AKAP8: variants seen among roughly 807,000 people sequenced by gnomAD.
The protein encoded by AKAP8 is A-kinase anchor protein 8.
AKAP8 carries 24 observed loss-of-function variants against 67.5 expected under a neutral mutation model. The observed-to-expected ratio is 0.36, with a 90% CI of 0.26 to 0.50. AKAP8 has a LOEUF of 0.50. AKAP8 is among the 20% of genes least tolerant of loss of function. AKAP8 has a pLI of 0.97. For missense variants in AKAP8, 971 were observed against 955.9 expected, an observed-to-expected ratio of 1.02 and a Z score of -0.21; for synonymous variants, 400 against 371.1, an observed-to-expected ratio of 1.08 and a Z score of -0.90.
intron 12 of AKAP8, 24 bp downstream of exon 12, chr19:15,360,823 AG>A (rs748336304): frequency 7.2e-5 from 115 of 1,607,098 alleles, no homozygotes; most frequent in Non-Finnish European, 8.8e-5. Context: ...TGAGCACCCC[AG>A]GCAGTGTGGG....
At chr19:15,363,138 GAAGT>G (rs1332907717) in intron 9 of AKAP8, among the ~76,000 whole-genome samples, 14 of 151,296 alleles carry the variant, frequency 9.3e-5, no homozygotes, top group Non-Finnish European at 1.6e-4. Flanking sequence ...CCCCGTCTGA[GAAGT>G]AAGGAGCCCC....
chr19:15,360,002 G>T (rs1221802316), intron 12 of AKAP8, among the ~76,000 whole-genome samples: 2 of 152,118 alleles, frequency 1.3e-5, no homozygotes, highest in East Asian at 3.9e-4. Flanking sequence ...GGGCATTGTG[G>T]TGGGCGCCTG....
intron 9 of AKAP8, among the ~76,000 whole-genome samples, chr19:15,365,041 C>T (rs1291301178): frequency 2.6e-5 from 4 of 152,170 alleles, no homozygotes; most frequent in African/African-American, 4.8e-5. Context: ...GAAAATGACT[C>T]GCATAGTAAT....
chr19:15,356,026 G>A (rs923466113), intron 13 of AKAP8, among the ~76,000 whole-genome samples: 16 of 151,648 alleles, frequency 1.1e-4, no homozygotes, highest in Non-Finnish European at 2.1e-4. Flanking sequence ...ACGAGCCACC[G>A]TGCCTGGCCT....
chr19:15,378,193 C>T (rs1219903062), intron 1 of AKAP8, among the ~76,000 whole-genome samples: 1 of 152,170 alleles, frequency 6.6e-6, no homozygotes, highest in Non-Finnish European at 1.5e-5. Flanking sequence ...CTGAGTTTTG[C>T]CCTCTGCTAT....
chr19:15,379,417 C>A, intron 1 of AKAP8: 1 of 386,076 alleles, frequency 2.6e-6, no homozygotes, highest in Non-Finnish European at 4.6e-6. Context: ...AGGTGAGGGG[C>A]AAAAACGGCC....
rs183978183 is a variant in AKAP8, at chr19:15,374,540, G to A, written c.91+63C>T. 1,097 of 1,581,824 alleles carry A rather than the reference G, an allele frequency of 6.9e-4. 11 individuals carry two copies. In the African/African-American group the frequency reaches 0.013, roughly 19 times the overall value. On this transcript the variant is annotated intron_variant, in intron 3 of 13. Transcript: ENST00000269701. Reference sequence around the variant, plus strand: ...CCAGACCTCCCTGACGGGCTGACCCGCCTGGCCTTCAGATCAGAGGCCCAC... The same window carrying A: ...CCAGACCTCCCTGACGGGCTGACCCACCTGGCCTTCAGATCAGAGGCCCAC...
At chr19:15,368,992 G>A (rs1160217103) in intron 8 of AKAP8, 11 of 985,948 alleles carry the variant, frequency 1.1e-5, no homozygotes, top group East Asian at 2.3e-4. Context: ...AGAGCCACGC[G>A]GCCATCATCC....
chr19:15,355,052 C>G lies in AKAP8; in HGVS notation c.1942G>C (p.Glu648Gln). ...GVPKARSEAA[E>Q]AGNGAETMAA... is the part of the protein sequence containing the mutation. ...ATTGTCTCGGCGCCATTTCCAGCCT[C>G]TGCAGCCTCACTTCTGGCCTTGGGG... Residue 648 changes from glutamate (E) to glutamine (Q), a missense_variant, in exon 14 of 14, where the codon GAG becomes CAG. By Grantham distance (29) the Glu-to-Gln change is conservative. Coordinates refer to ENST00000269701, the MANE Select transcript of AKAP8 (RefSeq NM_005858.4). 6.2e-7 allele frequency: 1 copy of G among 1,614,152 alleles called. No individual in the cohort carries two copies. Among genetic ancestry groups the G allele is most frequent in the Non-Finnish European group, 8.5e-7 (1 of 1,180,050 alleles).
chr19:15,375,798 G>A (rs1470520023), intron 2 of AKAP8, among the ~76,000 whole-genome samples: 3 of 151,860 alleles, frequency 2.0e-5, no homozygotes, highest in Non-Finnish European at 4.4e-5. Context: ...CACCGCGCCC[G>A]GCTAATTTTT....
intron 12 of AKAP8, 117 bp downstream of exon 12, chr19:15,360,731 T>TA: frequency 7.8e-7 from 1 of 1,290,108 alleles, no homozygotes; most frequent in Non-Finnish European, 1.0e-6. Flanking sequence ...ATGGAAGTGA[T>TA]AGACTTGAAA....
At chr19:15,365,731 C>G (rs1296330440) in intron 9 of AKAP8, among the ~76,000 whole-genome samples, 1 of 152,126 alleles carries the variant, frequency 6.6e-6, no homozygotes, top group African/African-American at 2.4e-5. Flanking sequence ...CCTTCGAGAT[C>G]CTCAGTCATG....
chr19:15,354,788 G>A lies in AKAP8; in HGVS notation c.*127C>T. ...GGCACTGCTCAGGAGGAAACGCTGG[G>A]TCTCTTCACCAAAATTAGATTACAG... On this transcript the variant is annotated 3_prime_UTR_variant, in exon 14 of 14. Transcript: ENST00000269701. 1 of 1,130,716 alleles carries A rather than the reference G, an allele frequency of 8.8e-7. No homozygotes were observed. The highest frequency in any genetic ancestry group is 2.4e-5 in the East Asian group (1 of 40,888). The allele number at this position is 1,130,716 out of a possible 1,614,324, so 70.0% of individuals were successfully genotyped here.
At chr19:15,367,616 A>C in intron 9 of AKAP8, among the ~76,000 whole-genome samples, 1 of 152,234 alleles carries the variant, frequency 6.6e-6, no homozygotes, top group Admixed American at 6.5e-5. Flanking sequence ...TGGTGATTTC[A>C]GTTTCTAGTC....
chr19:15,360,852 C>T lies in AKAP8; in HGVS notation c.1523G>A (p.Arg508His), dbSNP rs1272082169. 4 of 1,612,218 alleles carry T rather than the reference C, an allele frequency of 2.5e-6. No individual in the cohort carries two copies. The highest frequency in any genetic ancestry group is 1.1e-5 in the South Asian group (1 of 90,830). Residue 508 changes from arginine to histidine, a missense_variant, in exon 12 of 14, where the codon CGC becomes CAC. By Grantham distance (29) the Arg-to-His change is conservative. This residue lies in a region of AKAP8 where 763 missense variants were observed against 745.4 expected (regional missense o/e 1.02). Coordinates refer to ENST00000269701, the MANE Select transcript of AKAP8 (RefSeq NM_005858.4). ...AGTGTGGGGAGGAAGACTCACCCTG[C>T]GGTTGTGATTGTGGTCCACGGAGTG... ...HLHSVDHNHN[R>H]RLAAEQFKKT... is the part of the protein sequence containing the mutation.
At position 15,368,391 on chromosome 19, in the gene AKAP8, C is replaced by CG. The variant is rs910262808; in HGVS notation, c.1073-70dup. 178 of 1,605,920 alleles carry CG rather than the reference C, an allele frequency of 1.1e-4. 1 individual carries two copies. Among genetic ancestry groups the CG allele is most frequent in the Non-Finnish European group, 1.0e-4 (121 of 1,178,674 alleles). On this transcript the variant is annotated intron_variant, in intron 8 of 13. Transcript: ENST00000269701. Reference sequence around the variant, plus strand: ...AAGGAGCTGAGCTCCAGGGCCTGGTCGGGGGGCTGCAGCTTGGCCACCGCA... The same window carrying CG: ...AAGGAGCTGAGCTCCAGGGCCTGGTCGGGGGGGCTGCAGCTTGGCCACCGCA...
chr19:15,370,364 T>C (rs887872485), intron 7 of AKAP8, among the ~76,000 whole-genome samples, 185 bp from the exon 8 acceptor site: 8 of 152,184 alleles, frequency 5.3e-5, no homozygotes, highest in Middle Eastern at 3.4e-3. Flanking sequence ...CTGTGTGTCC[T>C]GTTATTACTC....
chr19:15,372,189 G>C (rs745882969), intron 6 of AKAP8, 29 bp downstream of exon 6: 5 of 1,613,154 alleles, frequency 3.1e-6, no homozygotes, highest in Non-Finnish European at 4.2e-6. Context: ...TCCTACATCT[G>C]TCTGGCCCAC....
intron 13 of AKAP8, among the ~76,000 whole-genome samples, chr19:15,357,739 G>A (rs897861163): frequency 3.0e-5 from 4 of 132,934 alleles, no homozygotes; most frequent in Admixed American, 8.4e-5. Flanking sequence ...TTTGAGACAA[G>A]GTCTCACTCT....
Sources: gnomAD v4.1 joint callset for allele counts (sites outside exome capture counted in the v4.1 genomes callset) on GRCh38, gnomAD v4.1.1 for gene constraint, gnomAD v4.1.1 regional missense constraint, MANE v1.5 for transcripts, NCBI Gene and HGNC (gene_info 2026-07-23, HGNC 2026-07-21) for gene names.